The following NCKAP5 variants were observed in gnomAD, a reference collection of about 807,000 sequenced individuals.
NCKAP5 encodes the protein nck-associated protein 5.
NCKAP5 carries 92 observed loss-of-function variants against 167.0 expected under a neutral mutation model. That is an observed-to-expected ratio of 0.55 (90% CI 0.47 to 0.66). NCKAP5 has a LOEUF of 0.66. Among genes scored for constraint, NCKAP5 ranks in the 30% least tolerant of loss-of-function variants. NCKAP5 has a pLI of 0.00. For synonymous variants in NCKAP5, 891 were observed against 877.4 expected (o/e 1.02, Z -0.27); for missense variants, 2,378 against 2,315.0 (o/e 1.03, Z -0.56).
Position 132,784,887 on chromosome 2 carries a change from A to G in NCKAP5, c.1924T>C (p.Ser642Pro). 6.4e-7 allele frequency: 1 copy of G among 1,566,096 alleles called. No individual in the cohort carries two copies. Among genetic ancestry groups the G allele is most frequent in the African/African-American group, 1.4e-5 (1 of 73,302 alleles). Reference sequence around the variant, plus strand: ...CTAAAAGTCTTTGGCCTAGTCTCTGAAGGGATGGGCACTTGTTTTTCCTCC... The same window carrying G: ...CTAAAAGTCTTTGGCCTAGTCTCTGGAGGGATGGGCACTTGTTTTTCCTCC... ...EEEEKQVPIP[S>P]ETRPKTFSFI... is the part of the protein sequence containing the mutation. The change falls in exon 14 of 20, where the codon TCA becomes CCA. Residue 642 changes from serine to proline, a missense_variant. Ser to Pro is a moderately conservative substitution (Grantham distance 74). Around this residue, in one of 3 missense-constraint regions of NCKAP5, gnomAD observed 1,049 missense variants for 1,023.4 expected, o/e 1.02. Coordinates refer to ENST00000409261, the MANE Select transcript of NCKAP5 (RefSeq NM_207363.3).
rs549563138 is a variant in NCKAP5 at position 133,187,152 on chromosome 2, T to C, written c.207+26564A>G. On this transcript the variant is annotated intron_variant, in intron 5 of 19. Coordinates refer to ENST00000409261, the MANE Select transcript of NCKAP5 (RefSeq NM_207363.3). ...GTCCCAAAGATTTTCATAAGTTGTG[T>C]CTCTATTTTCATTAATTTTAAATAA... Among the ~76,000 whole-genome samples the C allele has an allele frequency of 5.2e-4, 79 of 152,174 alleles. No homozygotes were observed. The South Asian group carries it at 0.012, about 23-fold the overall frequency.
chr2:132,968,509 A>G (rs114131473), intron 7 of NCKAP5, among the ~76,000 whole-genome samples: 1,861 of 152,256 alleles, frequency 0.012, 14 homozygotes, highest in Non-Finnish European at 0.02. Flanking sequence ...TCCCCCAGAG[A>G]TAAGGTGAGG....
chr2:132,802,174 G>T (rs1005544910), intron 11 of NCKAP5, among the ~76,000 whole-genome samples: 2 of 152,180 alleles, frequency 1.3e-5, no homozygotes, highest in Admixed American at 6.5e-5. Context: ...TGCCCTGGCT[G>T]CTCCCCGTCT....
At chr2:133,236,098 A>T (rs994966194) in intron 4 of NCKAP5, among the ~76,000 whole-genome samples, 1 of 150,452 alleles carries the variant, frequency 6.6e-6, no homozygotes, top group African/African-American at 2.5e-5. Context: ...AAAAAAAAAA[A>T]AGCTGTGATA....
chr2:133,449,772 A>G (rs1188515990), intron 3 of NCKAP5, among the ~76,000 whole-genome samples: 1 of 152,096 alleles, frequency 6.6e-6, no homozygotes, highest in African/African-American at 2.4e-5. Flanking sequence ...ACTATAAAGG[A>G]AGGTTAAAAT....
At chr2:133,337,065 T>C (rs573835097) in intron 3 of NCKAP5, among the ~76,000 whole-genome samples, 1 of 152,348 alleles carries the variant, frequency 6.6e-6, no homozygotes, top group East Asian at 1.9e-4. Context: ...CCTGTGGCCA[T>C]AGCTAGAACT....
chr2:133,069,634 C>T (rs986504099), intron 6 of NCKAP5, among the ~76,000 whole-genome samples: 4 of 152,040 alleles, frequency 2.6e-5, no homozygotes, highest in African/African-American at 4.8e-5. Flanking sequence ...GACTAGATGA[C>T]GGTATCTCCG....
intron 11 of NCKAP5, among the ~76,000 whole-genome samples, chr2:132,820,479 T>C (rs767395200): frequency 2.2e-4 from 33 of 152,126 alleles, no homozygotes; most frequent in Non-Finnish European, 4.0e-4. Context: ...CTGCCCGCCT[T>C]GGCCTCCCAA....
intron 3 of NCKAP5, among the ~76,000 whole-genome samples, chr2:133,448,680 G>C (rs934766482): frequency 3.9e-5 from 6 of 152,086 alleles, no homozygotes; most frequent in African/African-American, 4.8e-5. Context: ...TCTCACTGTT[G>C]CCCAGGCCAA....
At chr2:133,161,785 C>G (rs974636153) in intron 5 of NCKAP5, among the ~76,000 whole-genome samples, 1 of 152,184 alleles carries the variant, frequency 6.6e-6, no homozygotes, top group Non-Finnish European at 1.5e-5. Flanking sequence ...AAAGCTCAGG[C>G]CTGTCCAAGG....
At chr2:133,443,901 G>A (rs1323658724) in intron 3 of NCKAP5, among the ~76,000 whole-genome samples, 1 of 152,134 alleles carries the variant, frequency 6.6e-6, no homozygotes, top group Non-Finnish European at 1.5e-5. Context: ...GTATGTTTTA[G>A]ATAATTTCAT....
chr2:132,719,245 G>A (rs1689675270), intron 19 of NCKAP5, among the ~76,000 whole-genome samples: 1 of 152,094 alleles, frequency 6.6e-6, no homozygotes, highest in Admixed American at 6.5e-5. Flanking sequence ...GTAAGAGGAG[G>A]TGATTGGATT....
At chr2:133,585,551 C>A in the NCKAP5 span, among the ~76,000 whole-genome samples, 2 of 152,228 alleles carry the variant, frequency 1.3e-5, no homozygotes, top group Admixed American at 6.5e-5. Context: ...ATGAACATCA[C>A]AAAATATCAT....
Position 133,177,164 on chromosome 2 carries a change from C to CTA in NCKAP5, c.207+36550_207+36551dup, listed in dbSNP as rs61395261. Among the ~76,000 whole-genome samples, 302 of 138,620 alleles carry CTA rather than the reference C, an allele frequency of 2.2e-3. 4 individuals carry two copies. The highest frequency in any genetic ancestry group is 0.011 in the Middle Eastern group (3 of 276). The allele number at this position is 138,620 out of a possible 152,430, so 90.9% of individuals were successfully genotyped here. A position where few individuals can be genotyped will look rare whatever the true frequency, so the allele number is the denominator to read the frequency against. On this transcript the variant is annotated intron_variant, in intron 5 of 19. Coordinates refer to ENST00000409261, the MANE Select transcript of NCKAP5 (RefSeq NM_207363.3). ...TTAGCGACACAGGAGGTTTTGTTTT[C>CTA]TATATATATATATATATATATATAC...
the NCKAP5 span, among the ~76,000 whole-genome samples, chr2:133,609,324 G>A: frequency 6.6e-6 from 1 of 152,172 alleles, no homozygotes; most frequent in African/African-American, 2.4e-5. Context: ...CATGGCAAAT[G>A]TTTGTTGAAT....
At chr2:133,078,408 C>T (rs2080685981) in intron 6 of NCKAP5, among the ~76,000 whole-genome samples, 1 of 152,016 alleles carries the variant, frequency 6.6e-6, no homozygotes, top group Non-Finnish European at 1.5e-5. Flanking sequence ...AGTGGGAGTT[C>T]AGATTTTTAA....
At chr2:133,615,350 C>T in the NCKAP5 span, among the ~76,000 whole-genome samples, 22 of 151,320 alleles carry the variant, frequency 1.5e-4, no homozygotes, top group African/African-American at 3.9e-4. Flanking sequence ...AAGACACAGA[C>T]GGGCAAATTG....
intron 6 of NCKAP5, among the ~76,000 whole-genome samples, chr2:133,091,781 GGAGGCT>G: frequency 6.6e-6 from 1 of 152,196 alleles, no homozygotes; most frequent in South Asian, 2.1e-4. Flanking sequence ...CAGCTACTCG[GGAGGCT>G]GAGGCAGGAG....
intron 3 of NCKAP5, among the ~76,000 whole-genome samples, chr2:133,367,905 G>C (rs1010993093): frequency 2.1e-4 from 32 of 152,168 alleles, no homozygotes; most frequent in African/African-American, 6.5e-4. Flanking sequence ...TGTTAGGATT[G>C]TGGCTCAGGG....
Sources: gnomAD v4.1 joint callset for allele counts (sites outside exome capture counted in the v4.1 genomes callset) on GRCh38, gnomAD v4.1.1 for gene constraint, gnomAD v4.1.1 regional missense constraint, MANE v1.5 for transcripts, NCBI Gene and HGNC (gene_info 2026-07-23, HGNC 2026-07-21) for gene names.